Variants in DCAF6 observed in about 807,000 individuals in gnomAD.
DCAF6 encodes DDB1 and CUL4 associated factor 6.
In DCAF6, 54 loss-of-function variants were observed where a neutral mutation model predicts 125.1. That is an observed-to-expected ratio of 0.43 (90% CI 0.35 to 0.54). The LOEUF is 0.54. Ranked by LOEUF, DCAF6 falls within the 20% of genes least tolerant of loss-of-function variation. The pLI is 0.01. For missense variants in DCAF6, 934 were observed against 1,161.7 expected, an observed-to-expected ratio of 0.80 and a Z score of 2.85; for synonymous variants, 371 against 390.4, an observed-to-expected ratio of 0.95 and a Z score of 0.58.
chr1:167,961,803 T>C (rs1470744697), intron 2 of DCAF6, among the ~76,000 whole-genome samples: 1 of 152,226 alleles, frequency 6.6e-6, no homozygotes, highest in Non-Finnish European at 1.5e-5. Context: ...TTGAAACTTT[T>C]TGAGTGCCAC....
the DCAF6 span, among the ~76,000 whole-genome samples, chr1:167,895,388 A>G: frequency 6.6e-6 from 1 of 151,288 alleles, no homozygotes; most frequent in African/African-American, 2.4e-5. Context: ...CAGTCTCCCC[A>G]CTCCCCACCC....
intron 10 of DCAF6, among the ~76,000 whole-genome samples, chr1:168,011,472 A>C (rs1050890476): frequency 5.9e-5 from 9 of 152,148 alleles, no homozygotes; most frequent in Non-Finnish European, 1.3e-4. Context: ...TTGCTTATTT[A>C]GTCATAAACA....
chr1:167,989,526 G>A (rs1680526668), intron 5 of DCAF6, among the ~76,000 whole-genome samples: 1 of 152,212 alleles, frequency 6.6e-6, no homozygotes, highest in East Asian at 1.9e-4. Flanking sequence ...TGAATTCTAT[G>A]TAATGAGAGT....
chr1:167,899,125 C>T, the DCAF6 span, among the ~76,000 whole-genome samples: 1 of 152,206 alleles, frequency 6.6e-6, no homozygotes, highest in African/African-American at 2.4e-5. Context: ...GATGAACCGG[C>T]AGACCCTTCT....
At chr1:167,902,059 GAAA>G in the DCAF6 span, 23 of 1,363,592 alleles carry the variant, frequency 1.7e-5, no homozygotes, top group African/African-American at 2.2e-4. Context: ...ACACTTCTGA[GAAA>G]AAAAAAAAAA....
intron 20 of DCAF6, among the ~76,000 whole-genome samples, chr1:168,066,817 GC>G (rs1035651821): frequency 1.1e-4 from 16 of 152,076 alleles, no homozygotes; most frequent in African/African-American, 3.6e-4. Context: ...TTCTCCAAAA[GC>G]CTAGCAATTT....
chr1:167,943,873 C>T (rs755078734), intron 1 of DCAF6, among the ~76,000 whole-genome samples: 5 of 152,084 alleles, frequency 3.3e-5, no homozygotes, highest in Non-Finnish European at 5.9e-5. Context: ...GAGTCTCACT[C>T]TGTCGCCCAG....
At chr1:167,909,550 T>C in the DCAF6 span, among the ~76,000 whole-genome samples, 3 of 147,846 alleles carry the variant, frequency 2.0e-5, no homozygotes, top group Admixed American at 2.0e-4. Flanking sequence ...ATGAGATTTT[T>C]TTGTGATTTT....
At chr1:168,049,689 T>C (rs1451486765) in intron 16 of DCAF6, among the ~76,000 whole-genome samples, 1 of 118,696 alleles carries the variant, frequency 8.4e-6, no homozygotes, top group African/African-American at 3.4e-5. Flanking sequence ...GGAGTCTCGC[T>C]CCCTCACCCA....
At chr1:168,009,568 C>T in intron 10 of DCAF6, among the ~76,000 whole-genome samples, 1 of 147,748 alleles carries the variant, frequency 6.8e-6, no homozygotes, top group East Asian at 2.1e-4. Context: ...TTCTCCTTTC[C>T]CATCTTTCTC....
chr1:168,010,784 A>G (rs1271565840), intron 10 of DCAF6, among the ~76,000 whole-genome samples: 1 of 151,882 alleles, frequency 6.6e-6, no homozygotes, highest in African/African-American at 2.4e-5. Context: ...AGTAAGGCCT[A>G]TCAGACATCT....
intron 2 of DCAF6, among the ~76,000 whole-genome samples, chr1:167,953,899 C>T (rs181126843): frequency 3.9e-5 from 6 of 152,118 alleles, no homozygotes; most frequent in Admixed American, 1.3e-4. Flanking sequence ...GTTCCTGGCC[C>T]AACATTTTTT....
At chr1:167,942,284 GAACTCCTGACC>G (rs1557870941) in intron 1 of DCAF6, among the ~76,000 whole-genome samples, 1 of 150,246 alleles carries the variant, frequency 6.7e-6, no homozygotes, top group Non-Finnish European at 1.5e-5. Flanking sequence ...GGCTGGTCTC[GAACTCCTGACC>G]TCAGGTGATT....
intron 2 of DCAF6, among the ~76,000 whole-genome samples, chr1:167,962,429 C>G (rs752162659): frequency 1.3e-4 from 20 of 151,950 alleles, no homozygotes; most frequent in Non-Finnish European, 2.5e-4. Flanking sequence ...GGAAACTGAC[C>G]TCTTTATCGT....
the DCAF6 span, among the ~76,000 whole-genome samples, chr1:167,897,276 A>G: frequency 6.6e-6 from 1 of 150,686 alleles, no homozygotes; most frequent in African/African-American, 2.4e-5. Flanking sequence ...GCTTGAGCTC[A>G]GGAGTTCGAG....
At chr1:167,973,700 T>G (rs1184068717) in intron 3 of DCAF6, among the ~76,000 whole-genome samples, 1 of 152,134 alleles carries the variant, frequency 6.6e-6, no homozygotes, top group Non-Finnish European at 1.5e-5. Flanking sequence ...GTTGGTGTTT[T>G]GACATTTCTC....
chr1:167,984,264 A>G (rs922522650), intron 4 of DCAF6, among the ~76,000 whole-genome samples: 3 of 152,192 alleles, frequency 2.0e-5, no homozygotes, highest in Non-Finnish European at 4.4e-5. Flanking sequence ...CTTCTGTAAC[A>G]TTCTTACACT....
At chr1:167,888,913 C>T in the DCAF6 span, among the ~76,000 whole-genome samples, 1 of 149,472 alleles carries the variant, frequency 6.7e-6, no homozygotes, top group Non-Finnish European at 1.5e-5. Flanking sequence ...AAAAGAAATG[C>T]TGATTTTTGT....
At chr1:167,964,188 CTTTTCT>C (rs1449710032) in intron 2 of DCAF6, among the ~76,000 whole-genome samples, 3 of 152,042 alleles carry the variant, frequency 2.0e-5, no homozygotes, top group Non-Finnish European at 2.9e-5. Context: ...GTTTATTTTC[CTTTTCT>C]TTAAAGAACT....
Sources: allele counts gnomAD v4.1 joint callset (sites outside exome capture counted in the v4.1 genomes callset), GRCh38; gene constraint gnomAD v4.1.1; transcripts MANE v1.5; gene names NCBI Gene and HGNC (gene_info 2026-07-23, HGNC 2026-07-21).